The following PRKN variants were observed in gnomAD, a reference collection of about 807,000 sequenced individuals.
PRKN encodes E3 ubiquitin-protein ligase parkin.
Under a neutral mutation model 59.5 loss-of-function variants are expected in PRKN, and 56 were observed. The observed-to-expected ratio is 0.94, with a 90% CI of 0.76 to 1.18. PRKN has a LOEUF of 1.18. PRKN is among the 50% of genes most tolerant of loss of function. The probability of loss-of-function intolerance (pLI) is 0.00; values close to 1 mark genes in which losing one functional copy is unlikely to be tolerated. For synonymous variants in PRKN, 250 were observed against 222.1 expected (o/e 1.13, Z -1.12); for missense variants, 657 against 596.4 (o/e 1.10, Z -1.06).
In PRKN at chr6:161,547,475, C is replaced by T. The variant is rs530064077; in HGVS notation, c.1083+1379G>A. ...CCCTTCAACATTCTTAAAGCAAGGTCAACAACCAAATGCAAAAGATGGGCC... is the reference window on the plus strand; with the variant it reads ...CCCTTCAACATTCTTAAAGCAAGGTTAACAACCAAATGCAAAAGATGGGCC... On this transcript the variant is annotated intron_variant, in intron 9 of 11. Transcript: ENST00000366898. The surrounding 1 kb of genome is among the most constrained non-coding windows in gnomAD (Gnocchi z 4.0). Among the ~76,000 whole-genome samples the T allele has an allele frequency of 1.3e-5, 2 of 152,256 alleles. No individual in the cohort carries two copies. Among genetic ancestry groups the T allele is most frequent in the East Asian group, 3.9e-4 (2 of 5,190 alleles).
intron 7 of PRKN, among the ~76,000 whole-genome samples, chr6:161,666,890 T>G (rs1395414522): frequency 6.6e-6 from 1 of 152,116 alleles, no homozygotes; most frequent in Non-Finnish European, 1.5e-5. Flanking sequence ...ACTCCCTACC[T>G]CACCAGTCCC....
At chr6:161,890,489 TC>T (rs1356984133) in intron 6 of PRKN, among the ~76,000 whole-genome samples, 3 of 152,168 alleles carry the variant, frequency 2.0e-5, no homozygotes, top group Non-Finnish European at 4.4e-5. Flanking sequence ...TGCTATGCGT[TC>T]AGAAAAGCTC....
At chr6:162,716,696 C>A (rs1366731527) in intron 1 of PRKN, among the ~76,000 whole-genome samples, 1 of 148,772 alleles carries the variant, frequency 6.7e-6, no homozygotes, top group Non-Finnish European at 1.5e-5. Context: ...AGAAAACTAC[C>A]TTGAAAAGTG....
chr6:162,448,341 ACCCCATT>A (rs1190116031), intron 1 of PRKN, among the ~76,000 whole-genome samples: 8 of 151,690 alleles, frequency 5.3e-5, no homozygotes, highest in South Asian at 2.1e-4. Flanking sequence ...TGCGATTACT[ACCCCATT>A]TTTCTATATA....
chr6:162,190,173 C>T (rs980969422), intron 4 of PRKN, among the ~76,000 whole-genome samples: 2 of 152,144 alleles, frequency 1.3e-5, no homozygotes, highest in Non-Finnish European at 2.9e-5. Flanking sequence ...CAGTGAGTAT[C>T]GTGCCCTACA....
intron 4 of PRKN, among the ~76,000 whole-genome samples, chr6:162,101,429 G>A (rs187678384): frequency 8.6e-5 from 13 of 151,966 alleles, no homozygotes; most frequent in Middle Eastern, 3.4e-3. Flanking sequence ...AGCACTTTGG[G>A]AGGCCGAGTC....
At chr6:161,851,916 A>C (rs1475536469) in intron 6 of PRKN, among the ~76,000 whole-genome samples, 3 of 151,482 alleles carry the variant, frequency 2.0e-5, no homozygotes, top group East Asian at 4.0e-4. Context: ...GCGAAAACAT[A>C]TCTCTACCAA....
intron 2 of PRKN, among the ~76,000 whole-genome samples, chr6:162,412,170 C>T (rs1278944959): frequency 2.0e-5 from 3 of 152,146 alleles, no homozygotes; most frequent in Admixed American, 6.5e-5. Flanking sequence ...CAGTTGTTCA[C>T]ATTACTGCCA....
chr6:162,385,976 G>T (rs1299270643), intron 2 of PRKN, among the ~76,000 whole-genome samples: 1 of 152,016 alleles, frequency 6.6e-6, no homozygotes, highest in East Asian at 1.9e-4. Context: ...GACAAGCTCA[G>T]TATAATCTTG....
At chr6:162,487,578 T>C (rs1210641978) in intron 1 of PRKN, among the ~76,000 whole-genome samples, 1 of 152,130 alleles carries the variant, frequency 6.6e-6, no homozygotes, top group Non-Finnish European at 1.5e-5. Context: ...TTACATAAAA[T>C]CTACACAAGG....
At chr6:161,643,799 TA>T (rs146412311) in intron 7 of PRKN, among the ~76,000 whole-genome samples, 1 of 152,170 alleles carries the variant, frequency 6.6e-6, no homozygotes. Flanking sequence ...AAATTTTTTT[TA>T]AAAAAACTTT....
chr6:162,037,524 T>G (rs780962459), intron 5 of PRKN, among the ~76,000 whole-genome samples: 10 of 151,770 alleles, frequency 6.6e-5, no homozygotes, highest in Non-Finnish European at 1.3e-4. Context: ...GCGGTTTGAT[T>G]CAAGAGGTTT....
intron 7 of PRKN, among the ~76,000 whole-genome samples, chr6:161,639,019 G>A (rs1217728427): frequency 6.6e-6 from 1 of 152,158 alleles, no homozygotes; most frequent in Non-Finnish European, 1.5e-5. Context: ...TGGGATTACA[G>A]GCGTGAACCA....
chr6:161,600,124 C>T (rs545829501), intron 7 of PRKN, among the ~76,000 whole-genome samples: 1 of 152,226 alleles, frequency 6.6e-6, no homozygotes, highest in Admixed American at 6.5e-5. Context: ...TTAGAAGTTC[C>T]CCAAATTGCT....
intron 7 of PRKN, among the ~76,000 whole-genome samples, chr6:161,715,452 C>T (rs1466391694): frequency 6.6e-6 from 1 of 151,950 alleles, no homozygotes; most frequent in Non-Finnish European, 1.5e-5. Flanking sequence ...TATTTTTACT[C>T]AGTGAATATG....
chr6:162,007,948 A>AT, intron 5 of PRKN, among the ~76,000 whole-genome samples: 1 of 152,320 alleles, frequency 6.6e-6, no homozygotes, highest in Non-Finnish European at 1.5e-5. Context: ...AAGTTTGAAA[A>AT]TTATAGCTGT....
At chr6:162,387,555 C>CACAGAGAGAGAGAG (rs1212726833) in intron 2 of PRKN, among the ~76,000 whole-genome samples, 2 of 95,578 alleles carry the variant, frequency 2.1e-5, no homozygotes, top group African/African-American at 4.1e-5. Flanking sequence ...CACACACACA[C>CACAGAGAGAGAGAG]AGAGAGAGAG....
At chr6:162,678,199 C>A (rs1779625328) in intron 1 of PRKN, among the ~76,000 whole-genome samples, 1 of 152,094 alleles carries the variant, frequency 6.6e-6, no homozygotes, top group African/African-American at 2.4e-5. Flanking sequence ...TAACCATTCA[C>A]CTGTTGATGG....
intron 3 of PRKN, among the ~76,000 whole-genome samples, chr6:162,229,969 G>T (rs1401615518): frequency 1.3e-5 from 2 of 152,232 alleles, no homozygotes; most frequent in Non-Finnish European, 2.9e-5. Flanking sequence ...CATTACATCT[G>T]AGTACTTAGA....
Sources: allele counts gnomAD v4.1 joint callset (sites outside exome capture counted in the v4.1 genomes callset), GRCh38; gene constraint gnomAD v4.1.1; non-coding constraint Gnocchi (gnomAD v3.1); transcripts MANE v1.5; gene names NCBI Gene and HGNC (gene_info 2026-07-23, HGNC 2026-07-21).